Variants in SBF2 observed in about 807,000 individuals in gnomAD.
SBF2 encodes SET binding factor 2.
A neutral mutation model predicts 225.2 loss-of-function variants in SBF2; 112 were observed. The ratio of observed to expected loss-of-function variants is 0.50; its 90% confidence interval spans 0.43 to 0.58. The LOEUF (loss-of-function observed/expected upper bound fraction) is 0.58. Ranked by LOEUF, SBF2 falls within the 20% of genes least tolerant of loss-of-function variation. The pLI is 0.00. For missense variants in SBF2, 1,996 were observed against 2,206.2 expected (o/e 0.90, Z 1.91); for synonymous variants, 763 against 773.3 (o/e 0.99, Z 0.22).
intron 14 of SBF2, among the ~76,000 whole-genome samples, chr11:9,968,115 A>C (rs1394195913): frequency 6.6e-6 from 1 of 151,910 alleles, no homozygotes; most frequent in Non-Finnish European, 1.5e-5. Flanking sequence ...ATCTCAATAA[A>C]GCTGTTATTA....
At chr11:10,082,716 G>T (rs1287858990) in intron 2 of SBF2, among the ~76,000 whole-genome samples, 2 of 151,766 alleles carry the variant, frequency 1.3e-5, no homozygotes, top group Non-Finnish European at 2.9e-5. Context: ...AACAAAATAG[G>T]TACAGAAGGA....
At chr11:10,255,834 T>C (rs954498220) in intron 1 of SBF2, among the ~76,000 whole-genome samples, 7 of 152,206 alleles carry the variant, frequency 4.6e-5, no homozygotes, top group Non-Finnish European at 7.3e-5. Context: ...ATGGCAAAGA[T>C]ATAAAACCAG....
At chr11:9,926,765 T>C (rs2134243094) in intron 16 of SBF2, among the ~76,000 whole-genome samples, 1 of 152,240 alleles carries the variant, frequency 6.6e-6, no homozygotes, top group East Asian at 1.9e-4. Flanking sequence ...TAGTGAGAAA[T>C]TTCTAGCACT....
intron 1 of SBF2, among the ~76,000 whole-genome samples, chr11:10,265,857 T>TTGTGTG (rs10616720): frequency 2.9e-4 from 44 of 150,272 alleles, no homozygotes; most frequent in South Asian, 1.3e-3. Flanking sequence ...GCCAGGCTAA[T>TTGTGTG]TGTGTGTGTG....
intron 2 of SBF2, among the ~76,000 whole-genome samples, chr11:10,043,662 C>A (rs1165120740): frequency 6.6e-6 from 1 of 152,130 alleles, no homozygotes; most frequent in Non-Finnish European, 1.5e-5. Flanking sequence ...TTAACCCCAA[C>A]CCCCTGGGCT....
chr11:10,154,420 A>G (rs1033996836), intron 2 of SBF2, among the ~76,000 whole-genome samples: 10 of 152,096 alleles, frequency 6.6e-5, no homozygotes, highest in Non-Finnish European at 1.0e-4. Flanking sequence ...ATTTTCTTCA[A>G]CAATACTCAA....
intron 2 of SBF2, among the ~76,000 whole-genome samples, chr11:10,044,177 A>G (rs924282762): frequency 6.6e-6 from 1 of 152,110 alleles, no homozygotes; most frequent in African/African-American, 2.4e-5. Context: ...GAAAATCAGT[A>G]GAGAAAAATC....
chr11:10,180,038 C>G (rs1956669386), intron 2 of SBF2, among the ~76,000 whole-genome samples: 1 of 152,052 alleles, frequency 6.6e-6, no homozygotes, highest in African/African-American at 2.4e-5. Flanking sequence ...TTTGTTGTTT[C>G]TATTTCTACC....
chr11:9,795,068 A>C (rs1381612111), intron 33 of SBF2, among the ~76,000 whole-genome samples: 1 of 152,196 alleles, frequency 6.6e-6, no homozygotes, highest in East Asian at 1.9e-4. Context: ...GCTTAACAAA[A>C]ATGGTCATGT....
At chr11:9,953,348 G>A (rs1865969147) in intron 16 of SBF2, among the ~76,000 whole-genome samples, 1 of 152,090 alleles carries the variant, frequency 6.6e-6, no homozygotes, top group Admixed American at 6.6e-5. Context: ...GGAGGCTGAG[G>A]CAGAGAATTG....
At chr11:9,984,998 G>T (rs560966219) in intron 13 of SBF2, among the ~76,000 whole-genome samples, 1 of 151,978 alleles carries the variant, frequency 6.6e-6, no homozygotes. Context: ...TAAATCACAC[G>T]GGACCTACAA....
chr11:10,226,589 T>C (rs1958567369), intron 1 of SBF2, among the ~76,000 whole-genome samples: 1 of 152,074 alleles, frequency 6.6e-6, no homozygotes, highest in Non-Finnish European at 1.5e-5. Flanking sequence ...GTTTGGTTTT[T>C]TGTCCTTGTG....
At chr11:10,101,440 A>G (rs1036098608) in intron 2 of SBF2, among the ~76,000 whole-genome samples, 4 of 152,132 alleles carry the variant, frequency 2.6e-5, no homozygotes, top group Admixed American at 2.0e-4. Flanking sequence ...TGCAAAATTG[A>G]GAATCTTTTG....
In SBF2 at chr11:9,790,569, G is replaced by T; in HGVS notation, c.4685C>A (p.Pro1562Gln). 1 of 1,583,724 alleles carries T rather than the reference G, an allele frequency of 6.3e-7. No homozygotes were observed. Among genetic ancestry groups the T allele is most frequent in the South Asian group, 1.1e-5 (1 of 88,300 alleles). Reference sequence around the variant, plus strand: ...TTCTTACTCTACCTCTATTTCCAATGGTGAATATAAATAATTAAAGAAAAT... The same window carrying T: ...TTCTTACTCTACCTCTATTTCCAATTGTGAATATAAATAATTAAAGAAAAT... ...SPIFFNYLYSPLEIEALKPNV... is the reference protein window; with the variant it reads ...SPIFFNYLYSQLEIEALKPNV... The change falls in exon 34 of 40, where the codon CCA (proline) becomes CAA (glutamine). Residue 1562 changes from proline to glutamine, a missense_variant. Coordinates refer to ENST00000256190, the MANE Select transcript of SBF2 (RefSeq NM_030962.4).
At chr11:9,885,921 G>C (rs921431765) in intron 17 of SBF2, among the ~76,000 whole-genome samples, 1 of 152,126 alleles carries the variant, frequency 6.6e-6, no homozygotes, top group Non-Finnish European at 1.5e-5. Flanking sequence ...CTTTCTAGGA[G>C]ATGGGATGCG....
chr11:9,806,947 T>C (rs1447167348), intron 32 of SBF2, among the ~76,000 whole-genome samples: 1 of 152,204 alleles, frequency 6.6e-6, no homozygotes, highest in Non-Finnish European at 1.5e-5. Context: ...ATCTGGAAAG[T>C]TGATCAAGTG....
chr11:9,885,267 A>AC (rs1433592716), intron 17 of SBF2, among the ~76,000 whole-genome samples: 1 of 150,154 alleles, frequency 6.7e-6, no homozygotes, highest in East Asian at 1.9e-4. Flanking sequence ...AAAAAAAAAA[A>AC]AAAAAAAAAC....
Position 9,862,739 on chromosome 11 carries a change from AT to A in SBF2, c.1930-4344del, listed in dbSNP as rs562151948. Reference sequence around the variant, plus strand: ...TGATTGTGATAATTTATTTAAAAAAATTTTTTTTATTATTTTGTGTTTATTT... The same window carrying A: ...TGATTGTGATAATTTATTTAAAAAAATTTTTTTATTATTTTGTGTTTATTT... On this transcript the variant is annotated intron_variant, in intron 17 of 39. Transcript: ENST00000256190. Among the ~76,000 whole-genome samples, 777 of 152,160 alleles carry A rather than the reference AT, an allele frequency of 5.1e-3. 7 individuals carry two copies. The highest frequency in any genetic ancestry group is 0.018 in the African/African-American group (733 of 41,520).
intron 32 of SBF2, among the ~76,000 whole-genome samples, chr11:9,801,935 G>A (rs1348200004): frequency 6.6e-6 from 1 of 152,146 alleles, no homozygotes; most frequent in Non-Finnish European, 1.5e-5. Flanking sequence ...TTTTTCTTTG[G>A]GGTAGGACCT....
Sources: gnomAD v4.1 joint callset for allele counts (sites outside exome capture counted in the v4.1 genomes callset) on GRCh38, gnomAD v4.1.1 for gene constraint, MANE v1.5 for transcripts, NCBI Gene and HGNC (gene_info 2026-07-23, HGNC 2026-07-21) for gene names.